The following MBTD1 variants were observed in gnomAD, a reference collection of about 807,000 sequenced individuals.
MBTD1 encodes the protein mbt domain containing 1.
In MBTD1, 24 loss-of-function variants were observed where a neutral mutation model predicts 87.8. The observed-to-expected ratio is 0.27, with a 90% CI of 0.20 to 0.38. The LOEUF (loss-of-function observed/expected upper bound fraction) is 0.38. Ranked by LOEUF, MBTD1 falls within the 10% of genes least tolerant of loss-of-function variation. MBTD1 has a pLI of 1.00. For synonymous variants in MBTD1, 237 were observed against 248.6 expected (o/e 0.95, Z 0.44); for missense variants, 436 against 760.2 (o/e 0.57, Z 5.02).
At chr17:51,212,698 T>C (rs562279285) in intron 6 of MBTD1, among the ~76,000 whole-genome samples, 13 of 152,184 alleles carry the variant, frequency 8.5e-5, no homozygotes, top group South Asian at 4.1e-4. Context: ...TAATGGGAAA[T>C]AGAAGTGCTT....
At chr17:51,214,310 C>A (rs1352402608) in intron 6 of MBTD1, among the ~76,000 whole-genome samples, 2 of 151,660 alleles carry the variant, frequency 1.3e-5, no homozygotes, top group African/African-American at 4.8e-5. Context: ...ATTTCCACTG[C>A]CGATTATAAA....
chr17:51,205,662 G>C (rs940261467), intron 7 of MBTD1, among the ~76,000 whole-genome samples: 1 of 152,018 alleles, frequency 6.6e-6, no homozygotes, highest in African/African-American at 2.4e-5. Flanking sequence ...GAGGGAGACT[G>C]GCCTCATCAC....
intron 15 of MBTD1, chr17:51,192,568 T>C (rs889041218): frequency 1.1e-5 from 9 of 819,250 alleles, no homozygotes; most frequent in East Asian, 1.1e-4. Context: ...TGTGTTTCTA[T>C]AGTCATTATG....
intron 2 of MBTD1, among the ~76,000 whole-genome samples, chr17:51,241,877 G>A (rs2144036285): frequency 6.6e-6 from 1 of 152,204 alleles, no homozygotes; most frequent in East Asian, 1.9e-4. Flanking sequence ...ACTTTTCAAG[G>A]TTTTATAACT....
chr17:51,203,035 A>C (rs965609535), intron 9 of MBTD1, 100 bp from the exon 10 acceptor site: 10 of 1,262,352 alleles, frequency 7.9e-6, no homozygotes, highest in Non-Finnish European at 1.1e-5. Context: ...CTTGAAATGT[A>C]ACACAGATCA....
At chr17:51,210,617 A>G (rs1161576464) in intron 6 of MBTD1, among the ~76,000 whole-genome samples, 1 of 151,770 alleles carries the variant, frequency 6.6e-6, no homozygotes, top group Non-Finnish European at 1.5e-5. Flanking sequence ...TTAGCTGGGT[A>G]TGGTGGCACA....
intron 6 of MBTD1, among the ~76,000 whole-genome samples, chr17:51,212,402 C>T (rs1357098237): frequency 2.7e-5 from 4 of 148,638 alleles, no homozygotes; most frequent in Non-Finnish European, 5.9e-5. Flanking sequence ...ATGATAAACT[C>T]AGCTGAAAAG....
intron 2 of MBTD1, among the ~76,000 whole-genome samples, chr17:51,240,810 T>C (rs1001915407): frequency 3.3e-5 from 5 of 152,208 alleles, no homozygotes; most frequent in African/African-American, 1.2e-4. Context: ...ATTAAGTATT[T>C]GGAATTCTTC....
intron 12 of MBTD1, among the ~76,000 whole-genome samples, chr17:51,198,443 A>G (rs914694762): frequency 6.6e-6 from 1 of 152,216 alleles, no homozygotes; most frequent in African/African-American, 2.4e-5. Context: ...TATGGTAAAC[A>G]TGTACACTAA....
intron 6 of MBTD1, among the ~76,000 whole-genome samples, chr17:51,216,843 CA>C (rs2052598746): frequency 6.6e-6 from 1 of 152,066 alleles, no homozygotes. Context: ...CTCATTCTCC[CA>C]AGTTGCTAGG....
intron 6 of MBTD1, among the ~76,000 whole-genome samples, chr17:51,216,254 G>C (rs2052564437): frequency 6.6e-6 from 1 of 152,084 alleles, no homozygotes; most frequent in African/African-American, 2.4e-5. Context: ...TTAACAAAAT[G>C]TTAAATGCAA....
intron 13 of MBTD1, among the ~76,000 whole-genome samples, chr17:51,194,084 A>ACT (rs759980675): frequency 1.3e-5 from 2 of 152,258 alleles, no homozygotes; most frequent in Non-Finnish European, 2.9e-5. Flanking sequence ...AGGCTTTAGA[A>ACT]GAGTCTAGCA....
chr17:51,245,431 T>C (rs2054378906), intron 2 of MBTD1, among the ~76,000 whole-genome samples: 1 of 152,184 alleles, frequency 6.6e-6, no homozygotes. Flanking sequence ...TGTACCTTGA[T>C]TATGAGTCAG....
chr17:51,200,891 T>A (rs924302913), intron 12 of MBTD1, among the ~76,000 whole-genome samples: 1 of 151,502 alleles, frequency 6.6e-6, no homozygotes, highest in Non-Finnish European at 1.5e-5. Flanking sequence ...CTGGGTGCCG[T>A]GGCTCATGCC....
intron 12 of MBTD1, among the ~76,000 whole-genome samples, chr17:51,199,395 C>CT (rs921845235): frequency 2.7e-5 from 4 of 150,856 alleles, no homozygotes; most frequent in East Asian, 3.9e-4. Context: ...AGGGCCCAGC[C>CT]TTTTTTTTTC....
intron 15 of MBTD1, 90 bp downstream of exon 15, chr17:51,192,692 C>T (rs1178113172): frequency 1.3e-6 from 2 of 1,566,040 alleles, no homozygotes; most frequent in Non-Finnish European, 1.7e-6. Context: ...TATTCTTGTC[C>T]TGTGAGCTCA....
chr17:51,201,970 A>G, intron 11 of MBTD1, 52 bp downstream of exon 11: 1 of 1,280,544 alleles, frequency 7.8e-7, no homozygotes. Flanking sequence ...AAAACCCACA[A>G]CCCTCTTTCA....
chr17:51,207,510 C>T (rs1033873612), intron 6 of MBTD1, among the ~76,000 whole-genome samples: 9 of 152,044 alleles, frequency 5.9e-5, no homozygotes, highest in South Asian at 2.1e-4. Flanking sequence ...CATAGATGGA[C>T]GTGAGGGAAA....
rs2144918365 is a variant in MBTD1 at position 51,178,741 on chromosome 17, C to T, written c.*1835G>A. On this transcript the variant is annotated 3_prime_UTR_variant, in exon 17 of 17. Transcript: ENST00000586178. Reference sequence around the variant, plus strand: ...TCTCAGCAATGTTAAGATAAATATCCAGTAATTTAACAGCTGAATTCACAT... The same window carrying T: ...TCTCAGCAATGTTAAGATAAATATCTAGTAATTTAACAGCTGAATTCACAT... 6.6e-6 allele frequency: 1 copy of T among 152,260 alleles called. No homozygotes were observed. The highest frequency in any genetic ancestry group is 2.4e-5 in the African/African-American group (1 of 41,534). The allele number at this position is 152,260 out of a possible 1,614,324, so 9.4% of individuals were successfully genotyped here.
Sources: gnomAD v4.1 joint callset for allele counts (sites outside exome capture counted in the v4.1 genomes callset) on GRCh38, gnomAD v4.1.1 for gene constraint, MANE v1.5 for transcripts, NCBI Gene and HGNC (gene_info 2026-07-23, HGNC 2026-07-21) for gene names.